Variants in THOC1 observed in about 807,000 individuals in gnomAD.
The protein encoded by THOC1 is THO complex subunit 1.
THOC1 carries 29 observed loss-of-function variants against 97.3 expected under a neutral mutation model. The observed-to-expected ratio is 0.30, with a 90% confidence interval of 0.22 to 0.41. The LOEUF (loss-of-function observed/expected upper bound fraction) is 0.41. Among genes scored for constraint, THOC1 ranks in the 10% least tolerant of loss-of-function variants. THOC1 has a pLI of 1.00. For missense variants in THOC1, 529 were observed against 761.9 expected, an observed-to-expected ratio of 0.69 and a Z score of 3.60; for synonymous variants, 255 against 257.0, an observed-to-expected ratio of 0.99 and a Z score of 0.07.
At position 215,411 on chromosome 18, in the gene THOC1, AG is replaced by A. The variant is rs770979166; in HGVS notation, c.1678+17del. Reference sequence around the variant, plus strand: ...CGTCTTCAATTTTGTTAAATAACCAAGAAAATTCAGTTCTTACTTTCATTTT... The same window carrying A: ...CGTCTTCAATTTTGTTAAATAACCAAAAAATTCAGTTCTTACTTTCATTTT... On this transcript the variant is annotated intron_variant, in intron 20 of 20. Coordinates refer to ENST00000261600, the MANE Select transcript of THOC1 (RefSeq NM_005131.3). 1.2e-6 allele frequency: 2 copies of A among 1,601,844 alleles called. No homozygotes were observed. The highest frequency in any genetic ancestry group is 4.5e-5 in the East Asian group (2 of 44,800).
rs532341193 is a variant in THOC1, at chr18:233,518, G to A, written c.919-6617C>T. ...AGAGAATCACTTGAACCCAGGAGGT[G>A]GAGGCTGCGATGAGCCAAGATCGCG... On this transcript the variant is annotated intron_variant, in intron 11 of 20. Coordinates refer to ENST00000261600, the MANE Select transcript of THOC1 (RefSeq NM_005131.3). Among the ~76,000 whole-genome samples the A allele has an allele frequency of 2.6e-5, 4 of 152,314 alleles. No homozygotes were observed. In the South Asian group the frequency reaches 8.3e-4, roughly 32 times the overall value.
At chr18:245,150 T>C (rs994978428) in intron 11 of THOC1, 7 of 152,182 alleles carry the variant, frequency 4.6e-5, no homozygotes, top group Admixed American at 1.3e-4. Context: ...GGTCAGGCTA[T>C]ATATTTCATC....
chr18:226,971 A>C, intron 11 of THOC1, 70 bp from the exon 12 acceptor site: 1 of 1,159,848 alleles, frequency 8.6e-7, no homozygotes, highest in South Asian at 1.4e-5. Flanking sequence ...AAGGTACAAA[A>C]TGTGCTAATA....
intron 4 of THOC1, among the ~76,000 whole-genome samples, chr18:262,327 T>C (rs1003697018): frequency 6.6e-6 from 1 of 152,210 alleles, no homozygotes; most frequent in East Asian, 1.9e-4. Context: ...CATCTCACAC[T>C]GAATAGAAGC....
chr18:218,000 G>T (rs1474937440), intron 18 of THOC1, among the ~76,000 whole-genome samples: 1 of 152,154 alleles, frequency 6.6e-6, no homozygotes, highest in East Asian at 1.9e-4. Context: ...ATTAGACTTG[G>T]ACAATTATTT....
At chr18:225,656 G>C (rs1222923048) in intron 12 of THOC1, 11 of 440,756 alleles carry the variant, frequency 2.5e-5, no homozygotes, top group African/African-American at 4.0e-5. Context: ...GATTCACTAT[G>C]AACAGAGCAA....
intron 9 of THOC1, among the ~76,000 whole-genome samples, chr18:250,383 T>G (rs905595601): frequency 1.3e-5 from 2 of 152,208 alleles, no homozygotes; most frequent in Non-Finnish European, 2.9e-5. Flanking sequence ...CAGAAACTTT[T>G]GAATTTTCTG....
chr18:235,693 G>A (rs1911655719), intron 11 of THOC1, among the ~76,000 whole-genome samples: 1 of 152,030 alleles, frequency 6.6e-6, no homozygotes. Flanking sequence ...TTTGATTACA[G>A]AGAAATGTGG....
intron 17 of THOC1, among the ~76,000 whole-genome samples, chr18:221,809 C>T (rs868276566): frequency 1.6e-4 from 24 of 152,184 alleles, no homozygotes; most frequent in South Asian, 8.3e-4. Context: ...GGGGTTTCAC[C>T]GTGTTAGCCA....
chr18:221,712 C>A (rs888193254), intron 17 of THOC1, among the ~76,000 whole-genome samples: 3 of 151,480 alleles, frequency 2.0e-5, no homozygotes, highest in African/African-American at 7.3e-5. Flanking sequence ...AGGTTCACGC[C>A]ATTCTCCTGC....
At chr18:218,040 T>G (rs1910953520) in intron 18 of THOC1, among the ~76,000 whole-genome samples, 1 of 152,194 alleles carries the variant, frequency 6.6e-6, no homozygotes, top group Admixed American at 6.5e-5. Context: ...CATGGAGCAC[T>G]GACCACAACT....
intron 17 of THOC1, among the ~76,000 whole-genome samples, chr18:221,819 A>G (rs889358256): frequency 1.2e-4 from 18 of 152,214 alleles, no homozygotes; most frequent in Middle Eastern, 3.4e-3. Context: ...CGTGTTAGCC[A>G]CGATGGTCTC....
chr18:227,303 G>A (rs2143177545), intron 11 of THOC1, among the ~76,000 whole-genome samples: 1 of 151,934 alleles, frequency 6.6e-6, no homozygotes, highest in Non-Finnish European at 1.5e-5. Context: ...AACATAGCAA[G>A]ACTCTAAATT....
chr18:226,212 A>G (rs1398163789), intron 12 of THOC1: 1 of 152,324 alleles, frequency 6.6e-6, no homozygotes, highest in Non-Finnish European at 1.5e-5. Context: ...CCCAGCAGGT[A>G]GTGAAGTCAT....
rs930532639 is a variant in THOC1, at chr18:265,228, G to GA, written c.189+74dup. The GA allele has an allele frequency of 1.1e-5, 14 of 1,290,420 alleles. No individual in the cohort carries two copies. In the African/African-American group the frequency reaches 1.5e-4, roughly 14 times the overall value. 79.9% of individuals were successfully genotyped at this position (1,290,420 alleles called of 1,614,324 possible). A position where few individuals can be genotyped will look rare whatever the true frequency, so the allele number is the denominator to read the frequency against. ...AAAGATGTTTAAATATCCATTCTAAGAAAAAAAGCAATTTTTAAATAACAT... is the reference window on the plus strand; with the variant it reads ...AAAGATGTTTAAATATCCATTCTAAGAAAAAAAAGCAATTTTTAAATAACAT... On this transcript the variant is annotated intron_variant, in intron 3 of 20. Transcript: ENST00000261600.
In THOC1 at chr18:234,554, GT is replaced by G. The variant is rs1401398845; in HGVS notation, c.919-7654del. On this transcript the variant is annotated intron_variant, in intron 11 of 20. Transcript: ENST00000261600. ...AAAATCTTTAATCTGTTTTTTTTTTGTTTTGTTTTTTCAGACACGGTCTTGC... is the reference window on the plus strand; with the variant it reads ...AAAATCTTTAATCTGTTTTTTTTTTGTTTGTTTTTTCAGACACGGTCTTGC... 3.7e-3 allele frequency among the ~76,000 whole-genome samples: 541 copies of G among 147,898 alleles called. 1 individual carries two copies. The highest frequency in any genetic ancestry group is 0.013 in the African/African-American group (504 of 40,260).
At chr18:253,096 T>C (rs1394897561) in intron 8 of THOC1, among the ~76,000 whole-genome samples, 3 of 152,246 alleles carry the variant, frequency 2.0e-5, no homozygotes, top group Non-Finnish European at 2.9e-5. Flanking sequence ...GCCAATATTT[T>C]TTAAAAATTG....
chr18:237,190 T>C (rs896498042), intron 11 of THOC1, among the ~76,000 whole-genome samples: 11 of 149,274 alleles, frequency 7.4e-5, no homozygotes, highest in Admixed American at 6.8e-4. Context: ...GACAGAGTCT[T>C]GCTCTGTTAC....
chr18:236,258 G>GT (rs1160262632), intron 11 of THOC1, among the ~76,000 whole-genome samples: 1 of 150,222 alleles, frequency 6.7e-6, no homozygotes, highest in Non-Finnish European at 1.5e-5. Context: ...TTCCATGTAA[G>GT]TTTTAAGCTT....
Sources: gnomAD v4.1 joint callset for allele counts (sites outside exome capture counted in the v4.1 genomes callset) on GRCh38, gnomAD v4.1.1 for gene constraint, MANE v1.5 for transcripts, NCBI Gene and HGNC (gene_info 2026-07-23, HGNC 2026-07-21) for gene names.